The following PARD3 variants were observed in gnomAD, a reference collection of about 807,000 sequenced individuals.
PARD3 encodes partitioning defective 3 homolog.
Under a neutral mutation model 155.4 loss-of-function variants are expected in PARD3, and 75 were observed. That is an observed-to-expected ratio of 0.48 (90% CI 0.40 to 0.58). The LOEUF (loss-of-function observed/expected upper bound fraction) is 0.58. Ranked by LOEUF, PARD3 falls within the 20% of genes least tolerant of loss-of-function variation. The probability of loss-of-function intolerance (pLI) is 0.00; values close to 1 mark genes in which losing one functional copy is unlikely to be tolerated. For missense variants in PARD3, 1,642 were observed against 1,721.7 expected, an observed-to-expected ratio of 0.95 and a Z score of 0.82; for synonymous variants, 576 against 610.5, an observed-to-expected ratio of 0.94 and a Z score of 0.83.
intron 1 of PARD3, among the ~76,000 whole-genome samples, chr10:34,785,409 T>C (rs1426177004): frequency 6.6e-6 from 1 of 152,166 alleles, no homozygotes; most frequent in Admixed American, 6.6e-5. Context: ...AGAATAATCT[T>C]CTTGAAGTAA....
chr10:34,566,262 G>A (rs1039152200), intron 2 of PARD3, among the ~76,000 whole-genome samples: 1 of 152,192 alleles, frequency 6.6e-6, no homozygotes, highest in Non-Finnish European at 1.5e-5. Flanking sequence ...GCACCTCTGT[G>A]GGACATTTCT....
At chr10:34,567,985 G>T (rs565100763) in intron 2 of PARD3, among the ~76,000 whole-genome samples, 1 of 151,608 alleles carries the variant, frequency 6.6e-6, no homozygotes, top group Non-Finnish European at 1.5e-5. Flanking sequence ...ATGGGATAAT[G>T]ACTGCTCATG....
At chr10:34,351,855 C>T (rs1054216180) in intron 14 of PARD3, among the ~76,000 whole-genome samples, 1 of 150,702 alleles carries the variant, frequency 6.6e-6, no homozygotes, top group Admixed American at 6.6e-5. Context: ...GTTGGCCTTG[C>T]AGCCATTAAA....
At position 34,331,357 on chromosome 10, in the gene PARD3, C is replaced by A. The variant is rs1215630180; in HGVS notation, c.2606-13G>T. 7.6e-6 allele frequency: 12 copies of A among 1,574,782 alleles called. No homozygotes were observed. The Admixed American group carries it at 1.2e-4, about 16-fold the overall frequency. On this transcript the variant is annotated splice_polypyrimidine_tract_variant and intron_variant, in intron 18 of 24. Transcript: ENST00000374788. ...CTGCTGGGAGAACCTGGGAGGTTTA[C>A]AAGAAAAAAAATGTTAGTGTGAATT...
chr10:34,518,036 A>C (rs770698809), intron 2 of PARD3, among the ~76,000 whole-genome samples: 10 of 151,748 alleles, frequency 6.6e-5, no homozygotes, highest in Non-Finnish European at 1.0e-4. Flanking sequence ...ATGCCACCAC[A>C]CCCAGATAAT....
intron 22 of PARD3, among the ~76,000 whole-genome samples, chr10:34,158,700 G>A (rs1314739146): frequency 6.6e-6 from 1 of 152,220 alleles, no homozygotes; most frequent in Non-Finnish European, 1.5e-5. Context: ...CATGATGGAA[G>A]TGTTCCATAT....
chr10:34,186,357 T>TAA (rs61694192), intron 22 of PARD3, among the ~76,000 whole-genome samples: 25,411 of 125,428 alleles, frequency 0.2, 2,956 homozygotes, highest in Non-Finnish European at 0.27. Flanking sequence ...GAGACCCTCT[T>TAA]AAAAAAAAAA....
chr10:34,767,721 C>G (rs1021503512), intron 1 of PARD3, among the ~76,000 whole-genome samples: 3 of 151,916 alleles, frequency 2.0e-5, no homozygotes, highest in Admixed American at 6.5e-5. Flanking sequence ...GCCTCAGCCT[C>G]CTGAGTAGCT....
At chr10:34,645,395 G>A (rs1247052959) in intron 2 of PARD3, among the ~76,000 whole-genome samples, 4 of 151,762 alleles carry the variant, frequency 2.6e-5, no homozygotes, top group Non-Finnish European at 4.4e-5. Flanking sequence ...TAGTAGAGAC[G>A]GGGTTTCATC....
At chr10:34,591,955 C>T (rs2088737928) in intron 2 of PARD3, among the ~76,000 whole-genome samples, 1 of 152,108 alleles carries the variant, frequency 6.6e-6, no homozygotes, top group Non-Finnish European at 1.5e-5. Context: ...CAGAAAGCCA[C>T]AAGGGAGATT....
intron 14 of PARD3, among the ~76,000 whole-genome samples, chr10:34,348,439 T>G (rs1225845064): frequency 6.6e-6 from 1 of 152,236 alleles, no homozygotes; most frequent in African/African-American, 2.4e-5. Context: ...TAAGTCAATT[T>G]AAGTTACAGT....
At chr10:34,128,544 C>T (rs956521125) in intron 23 of PARD3, among the ~76,000 whole-genome samples, 35 of 152,080 alleles carry the variant, frequency 2.3e-4, no homozygotes, top group African/African-American at 7.5e-4. Context: ...GTTAAGTTTT[C>T]GGGAAGTCAG....
At chr10:34,657,929 G>A (rs866509940) in intron 2 of PARD3, among the ~76,000 whole-genome samples, 1 of 151,962 alleles carries the variant, frequency 6.6e-6, no homozygotes, top group East Asian at 2.0e-4. Flanking sequence ...GGCGGATCAC[G>A]AGGTCAGGAG....
At chr10:34,549,485 T>TTTTGTTTG (rs374570354) in intron 2 of PARD3, among the ~76,000 whole-genome samples, 1 of 152,042 alleles carries the variant, frequency 6.6e-6, no homozygotes, top group African/African-American at 2.4e-5. Context: ...GGGATCTGGT[T>TTTTGTTTG]TTTGTTTGTT....
chr10:34,344,934 A>G, intron 15 of PARD3: 1 of 985,416 alleles, frequency 1.0e-6, no homozygotes, highest in Non-Finnish European at 1.2e-6. Context: ...CCCGACATAT[A>G]AGGTAAGTTG....
intron 5 of PARD3, among the ~76,000 whole-genome samples, chr10:34,410,445 A>C (rs1844935923): frequency 6.6e-6 from 1 of 152,152 alleles, no homozygotes; most frequent in Non-Finnish European, 1.5e-5. Context: ...ATCATTTCAC[A>C]ATTCACTCAT....
At chr10:34,283,004 C>T (rs566078648) in intron 21 of PARD3, among the ~76,000 whole-genome samples, 2 of 152,048 alleles carry the variant, frequency 1.3e-5, no homozygotes, top group Admixed American at 6.6e-5. Context: ...TTCCCACATA[C>T]ATTTTCTACC....
At chr10:34,439,946 C>T (rs2076379918) in intron 5 of PARD3, among the ~76,000 whole-genome samples, 2 of 152,042 alleles carry the variant, frequency 1.3e-5, no homozygotes, top group African/African-American at 2.4e-5. Flanking sequence ...AAAGGAAAAA[C>T]ATGGCTCATA....
At chr10:34,345,598 T>A in intron 15 of PARD3, 2 of 985,262 alleles carry the variant, frequency 2.0e-6, no homozygotes, top group Non-Finnish European at 2.4e-6. Flanking sequence ...ATAAACACTG[T>A]TGTTATTGGT....
Sources: gnomAD v4.1 joint callset for allele counts (sites outside exome capture counted in the v4.1 genomes callset) on GRCh38, gnomAD v4.1.1 for gene constraint, MANE v1.5 for transcripts, NCBI Gene and HGNC (gene_info 2026-07-23, HGNC 2026-07-21) for gene names.